POLQ: variants seen among roughly 807,000 people sequenced by gnomAD.
POLQ encodes the protein epididymis secretory sperm binding protein.
A neutral mutation model predicts 259.2 loss-of-function variants in POLQ; 233 were observed. The observed-to-expected ratio is 0.90, with a 90% CI of 0.81 to 1.00. The LOEUF (loss-of-function observed/expected upper bound fraction) is 1.00, where lower values mean the gene tolerates loss of function less well. POLQ is among the 50% of genes least tolerant of loss of function. The pLI, the probability that POLQ is intolerant of heterozygous loss-of-function variation, is 0.00. For missense variants in POLQ, 2,871 were observed against 3,051.6 expected (o/e 0.94, Z 1.39); for synonymous variants, 1,025 against 1,048.8 (o/e 0.98, Z 0.44).
chr3:121,433,670 C>T (rs2047520207), intron 28 of POLQ, among the ~76,000 whole-genome samples: 2 of 152,314 alleles, frequency 1.3e-5, no homozygotes, highest in South Asian at 4.1e-4. Flanking sequence ...AAAATATATA[C>T]TAGACTTAGT....
intron 25 of POLQ, among the ~76,000 whole-genome samples, chr3:121,453,721 T>G (rs528867760): frequency 1.3e-5 from 2 of 151,674 alleles, no homozygotes; most frequent in Admixed American, 1.3e-4. Flanking sequence ...CCAAGAAATA[T>G]GAGATTATGT....
chr3:121,457,553 C>A (rs1426912354), intron 25 of POLQ, among the ~76,000 whole-genome samples: 1 of 152,160 alleles, frequency 6.6e-6, no homozygotes, highest in Non-Finnish European at 1.5e-5. Flanking sequence ...AAACAAACAA[C>A]CCCATCAAAA....
chr3:121,454,256 C>A (rs564751537), intron 25 of POLQ, among the ~76,000 whole-genome samples: 2 of 152,286 alleles, frequency 1.3e-5, no homozygotes, highest in East Asian at 3.9e-4. Context: ...AAGGAACAAC[C>A]GGTATCAGCC....
chr3:121,516,657 T>G (rs895465043), intron 9 of POLQ, among the ~76,000 whole-genome samples: 1 of 152,202 alleles, frequency 6.6e-6, no homozygotes, highest in African/African-American at 2.4e-5. Flanking sequence ...ACCATCATCC[T>G]ATACTAGAAG....
rs756288082 is a variant in POLQ, at chr3:121,493,738, A to G, written c.2279-17T>C. On this transcript the variant is annotated splice_polypyrimidine_tract_variant and intron_variant, in intron 14 of 29. Coordinates refer to ENST00000264233, the MANE Select transcript of POLQ (RefSeq NM_199420.4). ...TAATCATCCCTAGAACATTCATAGA[A>G]TATTTGTTGAATTCAATTTTTTTTA... The G allele has an allele frequency of 1.9e-6, 3 of 1,588,988 alleles. No individual in the cohort carries two copies. The highest frequency in any genetic ancestry group is 1.8e-5 in the Admixed American group (1 of 56,524).
chr3:121,512,961 A>C (rs2048265756), intron 9 of POLQ, among the ~76,000 whole-genome samples: 1 of 152,220 alleles, frequency 6.6e-6, no homozygotes, highest in African/African-American at 2.4e-5. Flanking sequence ...AAATACATGA[A>C]AGCACTTATA....
At chr3:121,468,207 AAAATT>A (rs2047854214) in intron 23 of POLQ, 93 bp downstream of exon 23, 4 of 1,054,474 alleles carry the variant, frequency 3.8e-6, no homozygotes, top group Non-Finnish European at 4.1e-6. Context: ...TCTGAAACAT[AAAATT>A]AAATTAATTT....
Position 121,436,156 on chromosome 3 carries a change from A to C in POLQ, c.7509T>G (p.Gly2503=), listed in dbSNP as rs766614211. 6.2e-7 allele frequency: 1 copy of C among 1,613,928 alleles called. No homozygotes were observed. The highest frequency in any genetic ancestry group is 2.2e-5 in the East Asian group (1 of 44,880). ...ETFHSTFKSH[G]HREGMLQSDQ... ...CACTTTGGAGCATACCCTCTCGATGACCATGGGATTTGAAGGTTGAGTGGA... is the reference window on the plus strand; with the variant it reads ...CACTTTGGAGCATACCCTCTCGATGCCCATGGGATTTGAAGGTTGAGTGGA... Residue 2503 remains glycine (G), a synonymous_variant, in exon 28 of 30, where the codon GGT becomes GGG. Coordinates refer to ENST00000264233, the MANE Select transcript of POLQ (RefSeq NM_199420.4).
Position 121,544,747 on chromosome 3 carries a change from C to A in POLQ, c.323G>T (p.Gly108Val). 1 of 1,609,976 alleles carries A rather than the reference C, an allele frequency of 6.2e-7. No individual in the cohort carries two copies. Among genetic ancestry groups the A allele is most frequent in the Non-Finnish European group, 8.5e-7 (1 of 1,177,350 alleles). The stretch of plus-strand genomic sequence containing the variant: ...GATACCTGAATAAACTAAATTCTTT[C>A]CTTCCAGGACTTGTCCAAGCAAAAG... Reference protein sequence around the residue: ...ECLLLGQVLEGKNLVYSAPTS... With the variant: ...ECLLLGQVLEVKNLVYSAPTS... The change falls in exon 2 of 30, where the codon GGA becomes GTA. Residue 108 changes from glycine (G) to valine (V), a missense_variant. Coordinates refer to ENST00000264233, the MANE Select transcript of POLQ (RefSeq NM_199420.4).
rs201749749 is a variant in POLQ, at chr3:121,489,801, G to T, written c.3130C>A (p.Arg1044Ser). The T allele has an allele frequency of 1.8e-4, 293 of 1,612,694 alleles. No homozygotes were observed. Among genetic ancestry groups the T allele is most frequent in the Non-Finnish European group, 2.4e-4 (282 of 1,179,812 alleles). Residue 1044 changes from arginine to serine, a missense_variant, in exon 16 of 30, where the codon CGT becomes AGT. Around this residue, in one of 3 missense-constraint regions of POLQ, gnomAD observed 2,080 missense variants for 2,126.0 expected, o/e 0.98. Transcript: ENST00000264233. The part of the protein sequence containing the change: ...KMSRSFRSWK[R>S]RKHLKRSRDS... ...CTAGATCGCTTTAGATGCTTTCTAC[G>T]TTTCCAAGATCGAAAACTTCTGCTC... is the stretch of plus-strand genomic sequence containing the variant.
intron 8 of POLQ, 70 bp from the exon 9 acceptor site, chr3:121,520,153 GGATTT>G (rs1274526272): frequency 8.4e-5 from 71 of 845,686 alleles, no homozygotes; most frequent in Non-Finnish European, 1.3e-4. Context: ...ACTTACAAAT[GGATTT>G]GAGAGTCTGC....
intron 12 of POLQ, among the ~76,000 whole-genome samples, chr3:121,504,314 G>A (rs562933175): frequency 5.3e-5 from 8 of 152,162 alleles, no homozygotes; most frequent in African/African-American, 1.9e-4. Flanking sequence ...CTATTTTCTG[G>A]AAATACACAA....
rs774031833 is a variant in POLQ at position 121,449,298 on chromosome 3, T to A, written c.7264+17A>T. The A allele has an allele frequency of 1.7e-6, 2 of 1,178,590 alleles. No homozygotes were observed. The highest frequency in any genetic ancestry group is 1.7e-5 in the Admixed American group (1 of 58,794). 73.0% of individuals were successfully genotyped at this position (1,178,590 alleles called of 1,614,324 possible). A position where few individuals can be genotyped will look rare whatever the true frequency, so the allele number is the denominator to read the frequency against. ...GGTAAGATGGTTGAAAAGAATACTA[T>A]CTAGAAGATAAATTACCTGTGTATC... On this transcript the variant is annotated intron_variant, in intron 26 of 29. Transcript: ENST00000264233.
intron 5 of POLQ, among the ~76,000 whole-genome samples, chr3:121,536,354 G>C (rs1197139760): frequency 6.6e-6 from 1 of 152,100 alleles, no homozygotes; most frequent in Non-Finnish European, 1.5e-5. Flanking sequence ...CATAGTAAAA[G>C]TCAAGATATA....
At chr3:121,456,528 A>G (rs1382711004) in intron 25 of POLQ, among the ~76,000 whole-genome samples, 1 of 152,236 alleles carries the variant, frequency 6.6e-6, no homozygotes, top group Non-Finnish European at 1.5e-5. Context: ...GAGCAACTTC[A>G]GCAAAGTCTC....
rs191103532 is a variant in POLQ, at chr3:121,484,922, T to A, written c.5773+119A>T. 6 of 833,104 alleles carry A rather than the reference T, an allele frequency of 7.2e-6. No homozygotes were observed. In the East Asian group the frequency reaches 1.7e-4, roughly 24 times the overall value. The allele number at this position is 833,104 out of a possible 1,614,324, so 51.6% of individuals were successfully genotyped here. ...TCTCAAAAAACAAACAAAAAAAAAT[T>A]TAACTCTAAAAATAAATCCTAGGTA... On this transcript the variant is annotated intron_variant, in intron 17 of 29. Transcript: ENST00000264233.
chr3:121,464,163 G>A (rs6797376), intron 24 of POLQ, among the ~76,000 whole-genome samples: 96,115 of 152,086 alleles, frequency 0.63, 30,761 homozygotes, highest in East Asian at 0.89. Context: ...CCAAGAAAGC[G>A]AAAAATGTAC....
At chr3:121,501,536 G>C (rs1320631728) in intron 12 of POLQ, among the ~76,000 whole-genome samples, 1 of 150,058 alleles carries the variant, frequency 6.7e-6, no homozygotes, top group African/African-American at 2.4e-5. Flanking sequence ...GCGGGCGCCT[G>C]TAGTCCCAGC....
rs1409279410 is a variant in POLQ at position 121,432,938 on chromosome 3, C to T, written c.7639G>A (p.Ala2547Thr). Residue 2547 changes from alanine to threonine, a missense_variant, in exon 29 of 30, where the codon GCA becomes ACA. Around this residue, in one of 3 missense-constraint regions of POLQ, gnomAD observed 2,080 missense variants for 2,126.0 expected, o/e 0.98. Coordinates refer to ENST00000264233, the MANE Select transcript of POLQ (RefSeq NM_199420.4). ...QLHDELLYEV[A>T]EEDVVQVAQI... ...AATACCTGAACAACATCTTCTTCTG[C>T]CACTTCATATAGGAGTTCATCATGG... The T allele has an allele frequency of 2.5e-6, 4 of 1,596,002 alleles. No homozygotes were observed. In the South Asian group the frequency reaches 3.3e-5, roughly 13 times the overall value.
Sources: allele counts gnomAD v4.1 joint callset (sites outside exome capture counted in the v4.1 genomes callset), GRCh38; gene constraint gnomAD v4.1.1; regional missense constraint gnomAD v4.1.1; transcripts MANE v1.5; gene names NCBI Gene and HGNC (gene_info 2026-07-23, HGNC 2026-07-21).